GPHN: variants seen among roughly 807,000 people sequenced by gnomAD.
GPHN encodes the protein gephyrin.
GPHN carries 17 observed loss-of-function variants against 95.5 expected under a neutral mutation model. The ratio of observed to expected loss-of-function variants is 0.18; its 90% CI spans 0.12 to 0.27. The LOEUF (loss-of-function observed/expected upper bound fraction) is 0.27, where lower values mean the gene tolerates loss of function less well. Ranked by LOEUF, GPHN falls within the 10% of genes least tolerant of loss-of-function variation. The pLI is 1.00. For missense variants in GPHN, 660 were observed against 978.1 expected (o/e 0.67, Z 4.34); for synonymous variants, 320 against 322.5 (o/e 0.99, Z 0.08).
At chr14:67,626,022 G>C in the GPHN span, among the ~76,000 whole-genome samples, 2 of 152,164 alleles carry the variant, frequency 1.3e-5, no homozygotes, top group Admixed American at 1.3e-4. Context: ...GGGAGGCTGA[G>C]GCGGGCAGAT....
intron 1 of GPHN, among the ~76,000 whole-genome samples, chr14:66,650,167 G>A (rs1404735537): frequency 6.6e-6 from 1 of 151,848 alleles, no homozygotes; most frequent in Non-Finnish European, 1.5e-5. Context: ...TGCAGTAGGT[G>A]ATTTCACATT....
the GPHN span, chr14:67,348,882 A>G: frequency 1.4e-6 from 1 of 725,588 alleles, no homozygotes; most frequent in East Asian, 2.8e-5. Flanking sequence ...GTAATTAGAA[A>G]CCTGGTTGTT....
intron 8 of GPHN, among the ~76,000 whole-genome samples, chr14:66,934,241 A>G (rs1269551427): frequency 6.6e-6 from 1 of 152,188 alleles, no homozygotes; most frequent in Non-Finnish European, 1.5e-5. Context: ...AGTAATCAAA[A>G]AGTGAAACTT....
At chr14:66,903,166 T>A (rs1211092916) in intron 5 of GPHN, among the ~76,000 whole-genome samples, 2 of 152,140 alleles carry the variant, frequency 1.3e-5, no homozygotes, top group Non-Finnish European at 1.5e-5. Flanking sequence ...GATTTTCTGT[T>A]TAGATGACCT....
intron 5 of GPHN, among the ~76,000 whole-genome samples, chr14:66,893,817 G>C (rs2064665651): frequency 6.6e-6 from 1 of 152,106 alleles, no homozygotes; most frequent in South Asian, 2.1e-4. Flanking sequence ...GGATGTGGAG[G>C]ACCTCTTCAA....
At chr14:67,058,079 G>A (rs1207763769) in intron 10 of GPHN, among the ~76,000 whole-genome samples, 2 of 152,194 alleles carry the variant, frequency 1.3e-5, no homozygotes, top group African/African-American at 2.4e-5. Flanking sequence ...ATAAGAAGCA[G>A]AAGCAGCAAT....
chr14:66,939,401 C>T (rs1246238166), intron 8 of GPHN, among the ~76,000 whole-genome samples: 1 of 151,728 alleles, frequency 6.6e-6, no homozygotes, highest in African/African-American at 2.4e-5. Flanking sequence ...GTCACAAGAC[C>T]AGAATAATTT....
chr14:67,247,107 AT>A, the GPHN span, among the ~76,000 whole-genome samples: 1 of 152,118 alleles, frequency 6.6e-6, no homozygotes, highest in Non-Finnish European at 1.5e-5. Context: ...TTTGATTGAG[AT>A]TGTGTCTAAT....
chr14:66,789,397 T>G (rs1212952761), intron 3 of GPHN, among the ~76,000 whole-genome samples: 1 of 152,342 alleles, frequency 6.6e-6, no homozygotes, highest in East Asian at 1.9e-4. Flanking sequence ...AGCCATTTAA[T>G]TAGAGCTCTT....
At chr14:67,245,935 A>G in the GPHN span, among the ~76,000 whole-genome samples, 2 of 151,758 alleles carry the variant, frequency 1.3e-5, no homozygotes, top group East Asian at 1.9e-4. Flanking sequence ...TTATTTTTGT[A>G]TAAAATGAGA....
At chr14:66,910,892 G>A (rs1418692846) in intron 5 of GPHN, among the ~76,000 whole-genome samples, 1 of 151,928 alleles carries the variant, frequency 6.6e-6, no homozygotes, top group East Asian at 1.9e-4. Flanking sequence ...AGAGAAAGCT[G>A]TGCACATATG....
chr14:67,581,954 A>G, the GPHN span: 3 of 1,033,808 alleles, frequency 2.9e-6, no homozygotes, highest in Non-Finnish European at 4.2e-6. Context: ...AGGCTCATAA[A>G]TAGTGGGAAA....
the GPHN span, among the ~76,000 whole-genome samples, chr14:67,612,773 T>C: frequency 6.6e-6 from 1 of 151,914 alleles, no homozygotes; most frequent in Non-Finnish European, 1.5e-5. Context: ...CCTCCCCATC[T>C]CTACTAAAAA....
At chr14:67,671,734 G>A in the GPHN span, among the ~76,000 whole-genome samples, 2 of 152,258 alleles carry the variant, frequency 1.3e-5, no homozygotes, top group East Asian at 1.9e-4. Flanking sequence ...GAAGCCCAAG[G>A]CTGAGAGGGC....
chr14:67,508,649 G>A, the GPHN span, among the ~76,000 whole-genome samples: 1 of 151,060 alleles, frequency 6.6e-6, no homozygotes, highest in Non-Finnish European at 1.5e-5. Context: ...GGAAGGCTGA[G>A]GCTAGAGGAT....
chr14:66,719,844 A>G (rs1027479225), intron 2 of GPHN, among the ~76,000 whole-genome samples: 3 of 152,226 alleles, frequency 2.0e-5, no homozygotes, highest in Admixed American at 2.0e-4. Context: ...CAAAAAGTGT[A>G]ATAGTTGCAC....
At chr14:67,549,678 AT>A in the GPHN span, among the ~76,000 whole-genome samples, 33 of 152,298 alleles carry the variant, frequency 2.2e-4, no homozygotes, top group African/African-American at 7.5e-4. Flanking sequence ...CTCGTGAACC[AT>A]TTGAGAAGGG....
At chr14:67,373,209 A>G in the GPHN span, among the ~76,000 whole-genome samples, 2 of 152,208 alleles carry the variant, frequency 1.3e-5, no homozygotes, top group African/African-American at 4.8e-5. Flanking sequence ...ACTTGTGTCC[A>G]GTTTTTAGTG....
At chr14:66,643,369 G>A (rs575129474) in intron 1 of GPHN, among the ~76,000 whole-genome samples, 152 of 152,122 alleles carry the variant, frequency 1.0e-3, no homozygotes, top group Middle Eastern at 3.4e-3. Flanking sequence ...TATTACCCAG[G>A]AATTTTAGTT....
Sources: gnomAD v4.1 joint callset for allele counts (sites outside exome capture counted in the v4.1 genomes callset) on GRCh38, gnomAD v4.1.1 for gene constraint, MANE v1.5 for transcripts, NCBI Gene and HGNC (gene_info 2026-07-23, HGNC 2026-07-21) for gene names.